SLC14A2: variants seen among roughly 807,000 people sequenced by gnomAD.
SLC14A2 encodes urea transporter 2.
A neutral mutation model predicts 104.6 loss-of-function variants in SLC14A2; 91 were observed. The ratio of observed to expected loss-of-function variants is 0.87; its 90% CI spans 0.73 to 1.04. The LOEUF (loss-of-function observed/expected upper bound fraction) is 1.04. SLC14A2 is among the 50% of genes least tolerant of loss of function. The probability of loss-of-function intolerance (pLI) is 0.00; values close to 1 mark genes in which losing one functional copy is unlikely to be tolerated. For missense variants in SLC14A2, 1,189 were observed against 1,156.0 expected, an observed-to-expected ratio of 1.03 and a Z score of -0.41; for synonymous variants, 476 against 466.4, an observed-to-expected ratio of 1.02 and a Z score of -0.27.
chr18:45,511,160 T>G (rs1389541508), intron 2 of SLC14A2, among the ~76,000 whole-genome samples: 1 of 152,130 alleles, frequency 6.6e-6, no homozygotes. Flanking sequence ...ATCTTTGCAC[T>G]TGACACATCC....
At chr18:45,532,492 G>GCGCT (rs2043709875) in intron 2 of SLC14A2, among the ~76,000 whole-genome samples, 1 of 120,676 alleles carries the variant, frequency 8.3e-6, no homozygotes, top group African/African-American at 4.4e-5. Flanking sequence ...TCATGATTTG[G>GCGCT]CTGTTTGTCT....
At chr18:45,609,610 G>A (rs1395788781) in intron 2 of SLC14A2, among the ~76,000 whole-genome samples, 5 of 152,158 alleles carry the variant, frequency 3.3e-5, no homozygotes, top group Admixed American at 1.3e-4. Flanking sequence ...TAAGTCCAGA[G>A]GGCCCATGCT....
In SLC14A2 at chr18:45,347,998, C is replaced by T. The variant is rs79552026; in HGVS notation, c.-125+134807C>T. Among the ~76,000 whole-genome samples the T allele has an allele frequency of 1.2e-4, 19 of 152,348 alleles. No homozygotes were observed. The East Asian group carries it at 3.5e-3, about 28-fold the overall frequency. Reference sequence around the variant, plus strand: ...AAGTGTCATCTGTGCATTCCCATGGCACCTCATACCAGGTGGACAGCACAT... The same window carrying T: ...AAGTGTCATCTGTGCATTCCCATGGTACCTCATACCAGGTGGACAGCACAT... On this transcript the variant is annotated intron_variant, in intron 1 of 20. Coordinates refer to the SLC14A2 transcript ENST00000586448.
chr18:45,316,225 G>A (rs12960418), intron 1 of SLC14A2, among the ~76,000 whole-genome samples: 4,142 of 152,286 alleles, frequency 0.027, 137 homozygotes, highest in African/African-American at 0.077. Flanking sequence ...GCAGGCTAAT[G>A]TGGGCTCTGT....
chr18:45,589,329 G>A (rs1161302534), intron 2 of SLC14A2, among the ~76,000 whole-genome samples: 1 of 150,822 alleles, frequency 6.6e-6, no homozygotes, highest in East Asian at 1.9e-4. Flanking sequence ...GAGAAAGGGG[G>A]GCTGCAAGGT....
intron 2 of SLC14A2, among the ~76,000 whole-genome samples, chr18:45,586,353 G>T (rs539663430): frequency 1.4e-4 from 22 of 152,292 alleles, no homozygotes; most frequent in African/African-American, 2.9e-4. Flanking sequence ...AGTGAGGAGT[G>T]GGGGAGGAGA....
chr18:45,658,262 CT>C (rs1033026824), intron 10 of SLC14A2, among the ~76,000 whole-genome samples: 23 of 152,062 alleles, frequency 1.5e-4, no homozygotes, highest in Admixed American at 5.9e-4. Flanking sequence ...CAATCCCCCC[CT>C]AGGAGAGAGT....
chr18:45,501,382 C>A (rs2043197016), intron 2 of SLC14A2, among the ~76,000 whole-genome samples: 1 of 152,212 alleles, frequency 6.6e-6, no homozygotes, highest in Non-Finnish European at 1.5e-5. Flanking sequence ...GTCCACTTAC[C>A]AGCTTTGTGG....
intron 2 of SLC14A2, among the ~76,000 whole-genome samples, chr18:45,544,008 A>C (rs1462180376): frequency 1.3e-5 from 2 of 152,224 alleles, no homozygotes; most frequent in Non-Finnish European, 2.9e-5. Context: ...CACTTATCAC[A>C]ACCCAATGTT....
At chr18:45,365,938 G>A (rs946305441) in intron 1 of SLC14A2, among the ~76,000 whole-genome samples, 1 of 150,890 alleles carries the variant, frequency 6.6e-6, no homozygotes, top group Non-Finnish European at 1.5e-5. Flanking sequence ...TGCAGCTGGG[G>A]CTAGATTATC....
chr18:45,668,433 C>T lies in SLC14A2; in HGVS notation c.1992C>T (p.Tyr664=). The change falls in exon 15 of 20, where the codon TAC becomes TAT. Residue 664 remains tyrosine (Y), a synonymous_variant. Coordinates refer to ENST00000255226, the MANE Select transcript of SLC14A2 (RefSeq NM_007163.4). ...CCGTGTTCTCAGACAAAGGTGACTA[C>T]TACTGGTGGCTGTTGCTACCCGTCA... The part of the protein sequence containing the change: ...LMAVFSDKGD[Y]YWWLLLPVII... 6.2e-7 allele frequency: 1 copy of T among 1,614,184 alleles called. No homozygotes were observed. The highest frequency in any genetic ancestry group is 8.5e-7 in the Non-Finnish European group (1 of 1,180,024).
chr18:45,382,127 G>A (rs1389510541), intron 1 of SLC14A2, among the ~76,000 whole-genome samples: 5 of 152,178 alleles, frequency 3.3e-5, no homozygotes, highest in African/African-American at 9.7e-5. Flanking sequence ...TCATAGACAA[G>A]GGATGGATTT....
intron 2 of SLC14A2, among the ~76,000 whole-genome samples, chr18:45,607,433 A>T (rs754595525): frequency 5.9e-5 from 9 of 152,202 alleles, no homozygotes; most frequent in Non-Finnish European, 1.3e-4. Context: ...TAAATAAGAT[A>T]ACATAGGTAC....
At position 45,319,064 on chromosome 18, in the gene SLC14A2, G is replaced by A. The variant is rs571154048; in HGVS notation, c.-125+105873G>A. Among the ~76,000 whole-genome samples, 10 of 152,314 alleles carry A rather than the reference G, an allele frequency of 6.6e-5. No individual in the cohort carries two copies. In the South Asian group the frequency reaches 1.9e-3, roughly 28 times the overall value. ...CTTGCTCCTGCCAGGTGAGCCTCAG[G>A]CTGGCTTCCACGTGAAGACTTCCCA... On this transcript the variant is annotated intron_variant, in intron 1 of 20. Transcript: ENST00000586448.
chr18:45,173,334 TATAGG>T, the SLC14A2 span, among the ~76,000 whole-genome samples: 2 of 152,124 alleles, frequency 1.3e-5, no homozygotes, highest in Admixed American at 6.6e-5. Flanking sequence ...TGAGACATCA[TATAGG>T]ATGCCTAATC....
chr18:45,390,168 G>A (rs1205867313), intron 1 of SLC14A2, among the ~76,000 whole-genome samples: 6 of 152,234 alleles, frequency 3.9e-5, no homozygotes, highest in Non-Finnish European at 7.4e-5. Flanking sequence ...GACAAAAATC[G>A]ACACGAGCAC....
chr18:45,681,664 C>T (rs1390608178), intron 19 of SLC14A2, among the ~76,000 whole-genome samples: 2 of 152,244 alleles, frequency 1.3e-5, no homozygotes, highest in African/African-American at 4.8e-5. Context: ...TCTCTGCTCA[C>T]TTTCCCTGTG....
At chr18:45,675,042 C>A (rs545440962) in intron 18 of SLC14A2, among the ~76,000 whole-genome samples, 1 of 152,188 alleles carries the variant, frequency 6.6e-6, no homozygotes, top group Admixed American at 6.5e-5. Context: ...CTCCCCACCC[C>A]CTTTCCCAGC....
At chr18:45,373,037 G>T (rs1486590887) in intron 1 of SLC14A2, among the ~76,000 whole-genome samples, 2 of 152,152 alleles carry the variant, frequency 1.3e-5, no homozygotes, top group African/African-American at 4.8e-5. Context: ...AGATTGGCCA[G>T]AACAGCTCTA....
Sources: allele counts gnomAD v4.1 joint callset (sites outside exome capture counted in the v4.1 genomes callset), GRCh38; gene constraint gnomAD v4.1.1; transcripts MANE v1.5; gene names NCBI Gene and HGNC (gene_info 2026-07-23, HGNC 2026-07-21).